The following CTNND2 variants were observed in gnomAD, a reference collection of about 807,000 sequenced individuals.
CTNND2 encodes catenin delta 2, also known as catenin delta-2.
A neutral mutation model predicts 144.4 loss-of-function variants in CTNND2; 22 were observed. That is an observed-to-expected ratio of 0.15 (90% CI 0.11 to 0.22). The LOEUF is 0.22. Ranked by LOEUF, CTNND2 falls within the 10% of genes least tolerant of loss-of-function variation. The pLI, the probability that CTNND2 is intolerant of heterozygous loss-of-function variation, is 1.00. For missense variants in CTNND2, 1,353 were observed against 1,618.8 expected (o/e 0.84, Z 2.82); for synonymous variants, 751 against 695.6 (o/e 1.08, Z -1.25).
intron 3 of CTNND2, among the ~76,000 whole-genome samples, chr5:11,543,632 CTG>C (rs1294661378): frequency 1.3e-4 from 6 of 47,372 alleles, no homozygotes; most frequent in Admixed American, 2.9e-4. Context: ...ATCAGTAACG[CTG>C]TTTTTTTTTT....
chr5:11,404,683 T>C (rs966967810), intron 5 of CTNND2, among the ~76,000 whole-genome samples: 1 of 129,380 alleles, frequency 7.7e-6, no homozygotes. Flanking sequence ...AGTGAGGCAA[T>C]CTTGGCTCAC....
intron 17 of CTNND2, among the ~76,000 whole-genome samples, chr5:11,020,277 C>T (rs182001248): frequency 6.6e-6 from 1 of 152,186 alleles, no homozygotes; most frequent in Admixed American, 6.5e-5. Flanking sequence ...AATACATAAA[C>T]TAGAGCATCA....
At chr5:11,818,626 C>T (rs1450851480) in intron 1 of CTNND2, among the ~76,000 whole-genome samples, 1 of 152,148 alleles carries the variant, frequency 6.6e-6, no homozygotes, top group Admixed American at 6.6e-5. Flanking sequence ...CCTTGGCATC[C>T]CAAAGTGCTG....
chr5:11,765,034 G>GCCCCCCCCCCC (rs35099305), intron 1 of CTNND2, among the ~76,000 whole-genome samples: 2 of 144,030 alleles, frequency 1.4e-5, no homozygotes, highest in African/African-American at 2.6e-5. Context: ...CATTAATCCT[G>GCCCCCCCCCCC]CCCCCCCCAC....
intron 3 of CTNND2, among the ~76,000 whole-genome samples, chr5:11,485,386 C>T (rs1433690411): frequency 1.4e-3 from 187 of 133,980 alleles, no homozygotes; most frequent in African/African-American, 5.1e-3. Flanking sequence ...CGCGCGCGCG[C>T]GTGCGCGCGC....
At chr5:11,440,456 G>A (rs557492785) in intron 3 of CTNND2, among the ~76,000 whole-genome samples, 2 of 152,224 alleles carry the variant, frequency 1.3e-5, no homozygotes, top group African/African-American at 4.8e-5. Context: ...TTTACCTTGA[G>A]AATATTGGAA....
chr5:11,780,405 T>C (rs750707877), intron 1 of CTNND2, among the ~76,000 whole-genome samples: 3 of 152,152 alleles, frequency 2.0e-5, no homozygotes, highest in Non-Finnish European at 4.4e-5. Context: ...CTCCCAACTT[T>C]CCCAGTGATT....
intron 12 of CTNND2, among the ~76,000 whole-genome samples, chr5:11,133,283 A>G (rs1489404543): frequency 6.6e-6 from 1 of 152,146 alleles, no homozygotes; most frequent in Non-Finnish European, 1.5e-5. Context: ...ATTATTATGC[A>G]CCTTACTGTC....
rs1235093059 is a variant in CTNND2, at chr5:11,443,223, GTA to G, written c.288-31156_288-31155del. Among the ~76,000 whole-genome samples, 49 of 117,940 alleles carry G rather than the reference GTA, an allele frequency of 4.2e-4. No individual in the cohort carries two copies. In the South Asian group the frequency reaches 9.1e-3, roughly 22 times the overall value. 77.4% of individuals were successfully genotyped at this position (117,940 alleles called of 152,430 possible). A position where few individuals can be genotyped will look rare whatever the true frequency, so the allele number is the denominator to read the frequency against. On this transcript the variant is annotated intron_variant, in intron 3 of 21. Transcript: ENST00000304623. The stretch of plus-strand genomic sequence containing the variant: ...TGTGGTGTGTATGTGTGTGTGGTGT[GTA>G]TGTGTGTGTGATGTGTGTGTGTGTG...
intron 2 of CTNND2, among the ~76,000 whole-genome samples, chr5:11,656,397 T>C (rs574077345): frequency 1.4e-5 from 2 of 146,798 alleles, no homozygotes; most frequent in Non-Finnish European, 1.5e-5. Context: ...CCTGCTTCTA[T>C]ACCCCTGCTG....
Position 11,795,798 on chromosome 5 carries a change from C to A in CTNND2, c.38-63526G>T, listed in dbSNP as rs546964533. On this transcript the variant is annotated intron_variant, in intron 1 of 21. Coordinates refer to ENST00000304623, the MANE Select transcript of CTNND2 (RefSeq NM_001332.4). ...TCTTCTGTCTTACTCAGTAAGGTTT[C>A]TATTGTTGGTGGAGAAAAGGTTACC... 1.1e-4 allele frequency among the ~76,000 whole-genome samples: 16 copies of A among 152,336 alleles called. No individual in the cohort carries two copies. The East Asian group carries it at 3.1e-3, about 29-fold the overall frequency.
chr5:11,792,445 T>C (rs1426475802), intron 1 of CTNND2, among the ~76,000 whole-genome samples: 1 of 152,242 alleles, frequency 6.6e-6, no homozygotes, highest in Non-Finnish European at 1.5e-5. Flanking sequence ...AATTCAAAAG[T>C]ATTGGTTAAA....
chr5:11,270,144 T>C (rs1458228536), intron 9 of CTNND2, among the ~76,000 whole-genome samples: 1 of 152,214 alleles, frequency 6.6e-6, no homozygotes, highest in Non-Finnish European at 1.5e-5. Context: ...AATTAGTTCC[T>C]TGTAGAAGAA....
chr5:11,815,875 C>T (rs1047692350), intron 1 of CTNND2, among the ~76,000 whole-genome samples: 5 of 152,276 alleles, frequency 3.3e-5, no homozygotes, highest in African/African-American at 1.2e-4. Flanking sequence ...TTCCTTCTAA[C>T]TTTGTGGGAG....
chr5:11,703,164 T>A (rs1407101938), intron 2 of CTNND2, among the ~76,000 whole-genome samples: 4 of 152,188 alleles, frequency 2.6e-5, no homozygotes, highest in African/African-American at 9.7e-5. Context: ...AGTCAATTCA[T>A]TCCAAGAAGA....
At chr5:11,208,110 A>G (rs1738239911) in intron 10 of CTNND2, among the ~76,000 whole-genome samples, 1 of 152,192 alleles carries the variant, frequency 6.6e-6, no homozygotes, top group South Asian at 2.1e-4. Flanking sequence ...CCATTCAGAA[A>G]AGCAACATGG....
chr5:11,497,594 TGGGGATACTATAA>T (rs1770099952), intron 3 of CTNND2, among the ~76,000 whole-genome samples: 1 of 144,672 alleles, frequency 6.9e-6, no homozygotes, highest in African/African-American at 2.6e-5. Context: ...AAATATCTGC[TGGGGATACTATAA>T]GGGAGTGGAG....
chr5:11,044,291 G>A (rs893801392), intron 16 of CTNND2, among the ~76,000 whole-genome samples: 1 of 152,120 alleles, frequency 6.6e-6, no homozygotes, highest in Non-Finnish European at 1.5e-5. Flanking sequence ...GGAGGTGAGT[G>A]ATCATCTGCT....
At chr5:11,751,442 T>C (rs1301593255) in intron 1 of CTNND2, among the ~76,000 whole-genome samples, 2 of 151,866 alleles carry the variant, frequency 1.3e-5, no homozygotes, top group African/African-American at 2.4e-5. Flanking sequence ...TGTGTCCACA[T>C]GTACTCAATA....
Sources: allele counts gnomAD v4.1 joint callset (sites outside exome capture counted in the v4.1 genomes callset), GRCh38; gene constraint gnomAD v4.1.1; transcripts MANE v1.5; gene names NCBI Gene and HGNC (gene_info 2026-07-23, HGNC 2026-07-21).